CRADD: variants seen among roughly 807,000 people sequenced by gnomAD.
CRADD encodes the protein CARD and death domain containing adaptor protein, also known as death domain-containing protein CRADD.
In CRADD, 9 loss-of-function variants were observed where a neutral mutation model predicts 15.5. The ratio of observed to expected loss-of-function variants is 0.58; its 90% CI spans 0.35 to 1.01. CRADD has a LOEUF of 1.01. Ranked by LOEUF, CRADD falls within the 50% of genes least tolerant of loss-of-function variation. The probability of loss-of-function intolerance (pLI) is 0.02; values close to 1 mark genes in which losing one functional copy is unlikely to be tolerated. For missense variants in CRADD, 227 were observed against 250.3 expected (o/e 0.91, Z 0.63); for synonymous variants, 118 against 107.6 (o/e 1.10, Z -0.60).
chr12:93,725,723 A>G (rs1956351708), intron 2 of CRADD, among the ~76,000 whole-genome samples: 1 of 152,246 alleles, frequency 6.6e-6, no homozygotes, highest in Admixed American at 6.5e-5. Flanking sequence ...GGTCTATTGT[A>G]GGTTGAGAAG....
At chr12:93,803,459 A>G (rs1305460427) in intron 2 of CRADD, among the ~76,000 whole-genome samples, 1 of 152,162 alleles carries the variant, frequency 6.6e-6, no homozygotes, top group Non-Finnish European at 1.5e-5. Flanking sequence ...CAAGAAAAAA[A>G]ATATCTACTG....
At chr12:93,829,627 G>A (rs1957867122) in intron 2 of CRADD, among the ~76,000 whole-genome samples, 2 of 152,188 alleles carry the variant, frequency 1.3e-5, no homozygotes, top group South Asian at 4.1e-4. Flanking sequence ...GCCTCTGATG[G>A]ATGGGCTCTT....
intron 1 of CRADD, chr12:93,678,029 G>A (rs1167987670): frequency 1.3e-5 from 2 of 152,354 alleles, no homozygotes; most frequent in Non-Finnish European, 2.9e-5. Context: ...CAGTGCTGGG[G>A]TGTGTGCTTT....
intron 2 of CRADD, among the ~76,000 whole-genome samples, chr12:93,727,118 C>A (rs956538238): frequency 6.6e-6 from 1 of 152,202 alleles, no homozygotes; most frequent in African/African-American, 2.4e-5. Flanking sequence ...TTGAAAAGAT[C>A]GCCCTGATTG....
chr12:93,744,719 T>C (rs1052040447), intron 2 of CRADD, among the ~76,000 whole-genome samples: 25 of 152,150 alleles, frequency 1.6e-4, no homozygotes, highest in Non-Finnish European at 8.8e-5. Flanking sequence ...CAAGGTAAAA[T>C]TAAAATAAAT....
intron 2 of CRADD, among the ~76,000 whole-genome samples, chr12:93,865,798 T>G (rs1440506017): frequency 6.7e-6 from 1 of 149,190 alleles, no homozygotes; most frequent in African/African-American, 2.5e-5. Flanking sequence ...GTTTTTTCTT[T>G]GTATTATTGT....
At chr12:93,853,451 T>C (rs1958244765), downstream of CRADD, among the ~76,000 whole-genome samples, 1 of 152,166 alleles carries the variant, frequency 6.6e-6, no homozygotes, top group Non-Finnish European at 1.5e-5. Context: ...TTGTGGCATG[T>C]TTGAAGAGAT....
chr12:93,805,691 G>A (rs1190963526), intron 2 of CRADD, among the ~76,000 whole-genome samples: 1 of 152,154 alleles, frequency 6.6e-6, no homozygotes, highest in Non-Finnish European at 1.5e-5. Flanking sequence ...AAGACTGCTG[G>A]AAATCCACAT....
chr12:93,679,005 G>A lies in CRADD; in HGVS notation c.231G>A (p.Gln77=). ...TTGATACATTCCTAGATTCCCTACA[G>A]GAGTTTCCCTGGGTCAGGGAGAAGC... is the stretch of plus-strand genomic sequence containing the variant. ...KAFDTFLDSL[Q]EFPWVREKLK... Residue 77 remains glutamine (Q), a synonymous_variant, in exon 2 of 3, where the codon CAG becomes CAA. Coordinates refer to ENST00000332896, the MANE Select transcript of CRADD (RefSeq NM_003805.5). 6.2e-7 allele frequency: 1 copy of A among 1,614,160 alleles called. No individual in the cohort carries two copies. The highest frequency in any genetic ancestry group is 8.5e-7 in the Non-Finnish European group (1 of 1,179,970).
chr12:93,827,892 C>A (rs1957842259), intron 2 of CRADD, among the ~76,000 whole-genome samples: 1 of 152,208 alleles, frequency 6.6e-6, no homozygotes, highest in African/African-American at 2.4e-5. Context: ...TCCCCCTTCC[C>A]CCAGTAGTGG....
intron 2 of CRADD, among the ~76,000 whole-genome samples, chr12:93,780,607 A>G (rs924652774): frequency 1.1e-4 from 17 of 152,190 alleles, no homozygotes; most frequent in Non-Finnish European, 2.4e-4. Flanking sequence ...TTTTTGGTTT[A>G]AATTATATTG....
At chr12:93,747,050 G>T (rs1024277205) in intron 2 of CRADD, among the ~76,000 whole-genome samples, 7 of 152,018 alleles carry the variant, frequency 4.6e-5, no homozygotes, top group African/African-American at 1.5e-4. Flanking sequence ...AAAAAGAATG[G>T]TTTTCACCAC....
At chr12:93,697,913 G>A (rs1357964678) in intron 2 of CRADD, among the ~76,000 whole-genome samples, 1 of 152,154 alleles carries the variant, frequency 6.6e-6, no homozygotes, top group Non-Finnish European at 1.5e-5. Context: ...AAGAATATGA[G>A]CTCTAATGAT....
chr12:93,758,346 G>T (rs1454581039), intron 2 of CRADD, among the ~76,000 whole-genome samples: 2 of 151,998 alleles, frequency 1.3e-5, no homozygotes, highest in African/African-American at 4.8e-5. Context: ...GATAATTTGG[G>T]GGCTTGTGTA....
Position 93,789,190 on chromosome 12 carries a change from A to G in CRADD, c.299-60780A>G, listed in dbSNP as rs1044582282. Among the ~76,000 whole-genome samples, 4 of 151,852 alleles carry G rather than the reference A, an allele frequency of 2.6e-5. No homozygotes were observed. The East Asian group carries it at 5.8e-4, about 22-fold the overall frequency. On this transcript the variant is annotated intron_variant, in intron 2 of 2. Transcript: ENST00000332896. ...GAGTTTTTCTGTGAGAGGCTAGGTCAGTGTTTCTCCCCAAGCAGAGGCTAA... is the reference window on the plus strand; with the variant it reads ...GAGTTTTTCTGTGAGAGGCTAGGTCGGTGTTTCTCCCCAAGCAGAGGCTAA...
In CRADD at chr12:93,850,598, C is replaced by G; in HGVS notation, c.*327C>G. 1.2e-6 allele frequency: 1 copy of G among 842,904 alleles called. No homozygotes were observed. Among genetic ancestry groups the G allele is most frequent in the Non-Finnish European group, 1.4e-6 (1 of 696,228 alleles). The allele number at this position is 842,904 out of a possible 1,614,324, so 52.2% of individuals were successfully genotyped here. A position where few individuals can be genotyped will look rare whatever the true frequency, so the allele number is the denominator to read the frequency against. ...ATATATATCCATATATATATATATC[C>G]ATATATATATCTCATGTCATCACAT... On this transcript the variant is annotated 3_prime_UTR_variant, in exon 3 of 3. Coordinates refer to ENST00000332896, the MANE Select transcript of CRADD (RefSeq NM_003805.5). The surrounding 1 kb of genome is among the most constrained non-coding windows in gnomAD (Gnocchi z 4.0).
rs763669065 is a variant in CRADD at position 93,886,437 on chromosome 12, G to A, written c.299-7613G>A. On this transcript the variant is annotated intron_variant, in intron 2 of 2. Transcript: ENST00000548483. ...TGGCCTGCTAAAGTGCTGGGATTAC[G>A]GGTGTGAGCCACTGCGCCCAGCCTG... Among the ~76,000 whole-genome samples, 12 of 152,158 alleles carry A rather than the reference G, an allele frequency of 7.9e-5. No individual in the cohort carries two copies. The East Asian group carries it at 1.5e-3, about 20-fold the overall frequency.
chr12:93,758,391 T>TC (rs1408839024), intron 2 of CRADD, among the ~76,000 whole-genome samples: 4 of 152,050 alleles, frequency 2.6e-5, no homozygotes, highest in Non-Finnish European at 5.9e-5. Context: ...TAAACACAAA[T>TC]CTCTGAGTCA....
intron 2 of CRADD, among the ~76,000 whole-genome samples, chr12:93,780,719 A>G (rs1957198078): frequency 6.6e-6 from 1 of 152,062 alleles, no homozygotes; most frequent in Non-Finnish European, 1.5e-5. Context: ...GATAAACAAC[A>G]CATAAAGACG....
Sources: gnomAD v4.1 joint callset for allele counts (sites outside exome capture counted in the v4.1 genomes callset) on GRCh38, gnomAD v4.1.1 for gene constraint, Gnocchi (gnomAD v3.1) non-coding constraint, MANE v1.5 for transcripts, NCBI Gene and HGNC (gene_info 2026-07-23, HGNC 2026-07-21) for gene names.